The following WDR11 variants were observed in gnomAD, a reference collection of about 807,000 sequenced individuals.
The protein encoded by WDR11 is WD repeat domain 11.
A neutral mutation model predicts 151.2 loss-of-function variants in WDR11; 83 were observed. That is an observed-to-expected ratio of 0.55 (90% CI 0.46 to 0.66). WDR11 has a LOEUF of 0.66. Among genes scored for constraint, WDR11 ranks in the 30% least tolerant of loss-of-function variants. The pLI is 0.00. For synonymous variants in WDR11, 484 were observed against 533.1 expected, an observed-to-expected ratio of 0.91 and a Z score of 1.27; for missense variants, 1,301 against 1,480.9, an observed-to-expected ratio of 0.88 and a Z score of 1.99.
At position 120,871,307 on chromosome 10, in the gene WDR11, A is replaced by C; in HGVS notation, c.1432A>C (p.Thr478Pro). ...TATTCGTATGTGTCCACCGTTGACC[A>C]CAAAAAACATCAAGATGTATCAGCC... Reference protein sequence around the residue: ...FAIRMCPPLTTKNIKMYQPLL... With the variant: ...FAIRMCPPLTPKNIKMYQPLL... Residue 478 changes from threonine (T) to proline (P), a missense_variant, in exon 10 of 29, where the codon ACA (threonine) becomes CCA (proline). Thr to Pro is a conservative substitution (Grantham distance 38). Coordinates refer to ENST00000263461, the MANE Select transcript of WDR11 (RefSeq NM_018117.12). 1 of 1,613,814 alleles carries C rather than the reference A, an allele frequency of 6.2e-7. No homozygotes were observed. Among genetic ancestry groups the C allele is most frequent in the Non-Finnish European group, 8.5e-7 (1 of 1,179,988 alleles).
Position 120,886,693 on chromosome 10 carries a change from C to T in WDR11, c.1978C>T (p.Leu660=), listed in dbSNP as rs754478656. Residue 660 remains leucine (L), a synonymous_variant, in exon 16 of 29, where the codon CTG becomes TTG. Coordinates refer to ENST00000263461, the MANE Select transcript of WDR11 (RefSeq NM_018117.12). The part of the protein sequence containing the change: ...SIVESSVISL[L]QEAESKSELS... ...ATATGTTTCACTATCCCAAAGCTTG[C>T]TGCAGGAGGCAGAAAGTAAATCTGA... 1 of 1,613,678 alleles carries T rather than the reference C, an allele frequency of 6.2e-7. No homozygotes were observed. Among genetic ancestry groups the T allele is most frequent in the Non-Finnish European group, 8.5e-7 (1 of 1,179,822 alleles).
At chr10:120,864,203 A>C (rs964048667) in intron 5 of WDR11, among the ~76,000 whole-genome samples, 1 of 152,122 alleles carries the variant, frequency 6.6e-6, no homozygotes, top group African/African-American at 2.4e-5. Context: ...AAATAAAGTT[A>C]CTCAAGCTCA....
Position 120,860,141 on chromosome 10 carries a change from C to G in WDR11, c.385C>G (p.Arg129Gly), listed in dbSNP as rs369243512. The change falls in exon 4 of 29, where the codon CGC (arginine) becomes GGC (glycine). Residue 129 changes from arginine to glycine, a missense_variant. Physicochemically the swap from Arg to Gly is moderately radical, Grantham distance 125. Coordinates refer to ENST00000263461, the MANE Select transcript of WDR11 (RefSeq NM_018117.12). Reference protein sequence around the residue: ...VQWLWNQDASRDLLLAIHPPN... With the variant: ...VQWLWNQDASGDLLLAIHPPN... ...GTGGTTGTGGAATCAAGATGCTTCC[C>G]GCGATTTACTGCTTGCTATCCACCC... is the stretch of plus-strand genomic sequence containing the variant. 6.2e-7 allele frequency: 1 copy of G among 1,613,984 alleles called. No individual in the cohort carries two copies. The highest frequency in any genetic ancestry group is 8.5e-7 in the Non-Finnish European group (1 of 1,180,034).
Position 120,908,956 on chromosome 10 carries a change from A to C in WDR11, c.*243A>C, listed in dbSNP as rs539267206. Reference sequence around the variant, plus strand: ...AGATTTTGAAAGTACATAATATTTTATACTTTGGGAGAGAGCTTTAAGAGT... The same window carrying C: ...AGATTTTGAAAGTACATAATATTTTCTACTTTGGGAGAGAGCTTTAAGAGT... On this transcript the variant is annotated 3_prime_UTR_variant, in exon 29 of 29. Transcript: ENST00000263461. 3 of 530,848 alleles carry C rather than the reference A, an allele frequency of 5.7e-6. No individual in the cohort carries two copies. In the African/African-American group the frequency reaches 5.7e-5, roughly 10 times the overall value. The allele number at this position is 530,848 out of a possible 1,614,324, so 32.9% of individuals were successfully genotyped here. A position where few individuals can be genotyped will look rare whatever the true frequency, so the allele number is the denominator to read the frequency against.
chr10:120,896,749 C>T (rs920612958), intron 19 of WDR11, among the ~76,000 whole-genome samples: 3 of 152,188 alleles, frequency 2.0e-5, no homozygotes, highest in African/African-American at 7.2e-5. Context: ...AAGATCTGTG[C>T]TGATAGAAAG....
In WDR11 at chr10:120,885,805, G is replaced by C. The variant is rs768041262; in HGVS notation, c.1849-9G>C. ...AGCACTTCTAGGTTTGTCTGCATTT[G>C]CTTTACAGGAGTGGTCACCATCTCA... is the stretch of plus-strand genomic sequence containing the variant. On this transcript the variant is annotated splice_polypyrimidine_tract_variant and intron_variant, in intron 14 of 28. Coordinates refer to ENST00000263461, the MANE Select transcript of WDR11 (RefSeq NM_018117.12). 2.5e-6 allele frequency: 4 copies of C among 1,613,452 alleles called. No homozygotes were observed. The highest frequency in any genetic ancestry group is 3.4e-6 in the Non-Finnish European group (4 of 1,179,572).
intron 7 of WDR11, 151 bp from the exon 8 acceptor site, chr10:120,866,418 T>A (rs1846313897): frequency 5.0e-6 from 4 of 792,766 alleles, no homozygotes; most frequent in South Asian, 4.9e-5. Flanking sequence ...GGAAAAAATT[T>A]AGTAGTAATT....
intron 5 of WDR11, 97 bp downstream of exon 5, chr10:120,863,018 C>A: frequency 1.2e-6 from 1 of 837,742 alleles, no homozygotes; most frequent in Non-Finnish European, 2.0e-6. Context: ...CTTCATCTCA[C>A]TTTTTCTCAT....
chr10:120,878,412 A>C lies in WDR11; in HGVS notation c.1616A>C (p.Asn539Thr), dbSNP rs61761619. 6.2e-7 allele frequency: 1 copy of C among 1,613,322 alleles called. No individual in the cohort carries two copies. Among genetic ancestry groups the C allele is most frequent in the Non-Finnish European group, 8.5e-7 (1 of 1,179,556 alleles). Residue 539 changes from asparagine to threonine, a missense_variant, in exon 12 of 29, where the codon AAT becomes ACT. This residue lies in a region of WDR11 where 692 missense variants were observed against 762.5 expected (regional missense o/e 0.91). Coordinates refer to ENST00000263461, the MANE Select transcript of WDR11 (RefSeq NM_018117.12). ...FLSFATSTPN[N>T]MGLVRNELQL... ...TCTTTTGCTACCTCAACACCAAACAATATGGGATTAGTGAGAAATGAACTT... is the reference window on the plus strand; with the variant it reads ...TCTTTTGCTACCTCAACACCAAACACTATGGGATTAGTGAGAAATGAACTT...
At chr10:120,870,411 G>T (rs1390307806) in intron 9 of WDR11, among the ~76,000 whole-genome samples, 2 of 152,008 alleles carry the variant, frequency 1.3e-5, no homozygotes, top group Non-Finnish European at 2.9e-5. Flanking sequence ...AAGGAAATTT[G>T]TATACCTTTT....
intron 9 of WDR11, among the ~76,000 whole-genome samples, chr10:120,869,386 T>A (rs1846442732): frequency 6.6e-6 from 1 of 152,166 alleles, no homozygotes; most frequent in Non-Finnish European, 1.5e-5. Context: ...GTGCTGGGAT[T>A]ACAGGCGTGA....
At chr10:120,853,984 C>T (rs1845866025) in intron 2 of WDR11, among the ~76,000 whole-genome samples, 1 of 152,066 alleles carries the variant, frequency 6.6e-6, no homozygotes, top group African/African-American at 2.4e-5. Context: ...GGAGATAGGT[C>T]AGGATTAGAG....
chr10:120,852,493 TACTTAA>T (rs1845815441), intron 1 of WDR11, 25 bp from the exon 2 acceptor site: 2 of 1,590,004 alleles, frequency 1.3e-6, no homozygotes, highest in African/African-American at 1.3e-5. Flanking sequence ...CTTTGTTCTG[TACTTAA>T]ACTTTAACAT....
chr10:120,885,655 G>C (rs1456095245), intron 14 of WDR11, among the ~76,000 whole-genome samples, 159 bp from the exon 15 acceptor site: 1 of 152,120 alleles, frequency 6.6e-6, no homozygotes, highest in African/African-American at 2.4e-5. Context: ...CATTCATTTA[G>C]CCTTTCTCTA....
intron 11 of WDR11, among the ~76,000 whole-genome samples, chr10:120,876,790 A>G (rs560598941): frequency 5.3e-5 from 8 of 152,316 alleles, no homozygotes; most frequent in Admixed American, 3.3e-4. Flanking sequence ...CCCCACTACA[A>G]TCGTATGGGG....
Position 120,860,418 on chromosome 10 carries a change from G to A in WDR11, c.526+136G>A, listed in dbSNP as rs61875072. 26,430 of 989,450 alleles carry A rather than the reference G, an allele frequency of 0.027. 468 individuals are homozygous for A. The highest frequency in any genetic ancestry group is 0.045 in the Middle Eastern group (142 of 3,180). The allele number at this position is 989,450 out of a possible 1,614,324, so 61.3% of individuals were successfully genotyped here. On this transcript the variant is annotated intron_variant, in intron 4 of 28. Coordinates refer to ENST00000263461, the MANE Select transcript of WDR11 (RefSeq NM_018117.12). ...TGAGCGAAGTGGAGAAGCATGTCTA[G>A]TCCATATATCTGCAGCTCCTAATAC...
chr10:120,905,326 T>A lies in WDR11; in HGVS notation c.3201T>A (p.Val1067=). The A allele has an allele frequency of 6.2e-7, 1 of 1,614,076 alleles. No individual in the cohort carries two copies. The highest frequency in any genetic ancestry group is 8.5e-7 in the Non-Finnish European group (1 of 1,180,038). The change falls in exon 26 of 29, where the codon GTT becomes GTA. Residue 1067 remains valine (V), a synonymous_variant. Coordinates refer to ENST00000263461, the MANE Select transcript of WDR11 (RefSeq NM_018117.12). ...MIANGKLAEG[V]QLLCLIDKAA... ...TGCGCTTTTGTCTTTCAGAGGGCGT[T>A]CAGTTGCTCTGCCTGATAGATAAGG...
chr10:120,866,749 G>A lies in WDR11; in HGVS notation c.1175G>A (p.Arg392Gln), dbSNP rs200429003. 1.5e-4 allele frequency: 239 copies of A among 1,614,118 alleles called. No homozygotes were observed. Among genetic ancestry groups the A allele is most frequent in the Non-Finnish European group, 1.8e-4 (212 of 1,180,008 alleles). ...GAACTCAAGTCTGCAGTTTGTAATCGAAATTCACGGAACAGGTAAATGAAT... is the reference window on the plus strand; with the variant it reads ...GAACTCAAGTCTGCAGTTTGTAATCAAAATTCACGGAACAGGTAAATGAAT... ...IWELKSAVCN[R>Q]NSRNSSSGVS... The change falls in exon 8 of 29, where the codon CGA becomes CAA. Residue 392 changes from arginine (R) to glutamine (Q), a missense_variant. Coordinates refer to ENST00000263461, the MANE Select transcript of WDR11 (RefSeq NM_018117.12).
At position 120,871,200 on chromosome 10, in the gene WDR11, C is replaced by A. The variant is rs775582830; in HGVS notation, c.1325C>A (p.Pro442His). ...AGTGCAATTGCTGGGGAAGAACATC[C>A]CAGAGGTTCAATTCTGCGGGAAGTG... ...GQSAIAGEEH[P>H]RGSILREVHL... Residue 442 changes from proline (P) to histidine (H), a missense_variant, in exon 10 of 29, where the codon CCC becomes CAC. Transcript: ENST00000263461. 2 of 1,613,984 alleles carry A rather than the reference C, an allele frequency of 1.2e-6. No individual in the cohort carries two copies. Among genetic ancestry groups the A allele is most frequent in the South Asian group, 1.1e-5 (1 of 91,064 alleles).
Sources: allele counts gnomAD v4.1 joint callset (sites outside exome capture counted in the v4.1 genomes callset), GRCh38; gene constraint gnomAD v4.1.1; regional missense constraint gnomAD v4.1.1; transcripts MANE v1.5; gene names NCBI Gene and HGNC (gene_info 2026-07-23, HGNC 2026-07-21).